FNDC3B: variants seen among roughly 807,000 people sequenced by gnomAD.
FNDC3B encodes fibronectin type III domain containing 3B.
In FNDC3B, 12 loss-of-function variants were observed where a neutral mutation model predicts 151.5. That is an observed-to-expected ratio of 0.08 (90% CI 0.05 to 0.13). The LOEUF is 0.13. FNDC3B is among the 10% of genes least tolerant of loss of function. The probability of loss-of-function intolerance (pLI) is 1.00; values close to 1 mark genes in which losing one functional copy is unlikely to be tolerated. For synonymous variants in FNDC3B, 528 were observed against 549.0 expected, an observed-to-expected ratio of 0.96 and a Z score of 0.54; for missense variants, 1,214 against 1,505.3, an observed-to-expected ratio of 0.81 and a Z score of 3.20.
chr3:172,328,189 C>T (rs1408358396), intron 11 of FNDC3B, among the ~76,000 whole-genome samples: 1 of 152,190 alleles, frequency 6.6e-6, no homozygotes, highest in African/African-American at 2.4e-5. Context: ...ATTCAAAATA[C>T]ATTTCTAGCC....
At chr3:172,075,948 C>A (rs934528949) in intron 1 of FNDC3B, among the ~76,000 whole-genome samples, 1 of 152,108 alleles carries the variant, frequency 6.6e-6, no homozygotes, top group Non-Finnish European at 1.5e-5. Flanking sequence ...TCCATAGCAA[C>A]CCAGAACACA....
chr3:172,344,431 A>C (rs1482499151), intron 19 of FNDC3B, among the ~76,000 whole-genome samples, 173 bp downstream of exon 19: 1 of 152,210 alleles, frequency 6.6e-6, no homozygotes, highest in African/African-American at 2.4e-5. Context: ...TTGTGATTTC[A>C]TATAGACCCA....
At chr3:172,235,731 G>T (rs1269617897) in intron 4 of FNDC3B, among the ~76,000 whole-genome samples, 1 of 152,228 alleles carries the variant, frequency 6.6e-6, no homozygotes, top group African/African-American at 2.4e-5. Flanking sequence ...GATTGTCTGG[G>T]CTGTCTCACA....
At chr3:172,161,988 T>TG (rs1722800071) in intron 3 of FNDC3B, among the ~76,000 whole-genome samples, 2 of 144,078 alleles carry the variant, frequency 1.4e-5, no homozygotes, top group South Asian at 2.2e-4. Flanking sequence ...TTTTTTTTTT[T>TG]TGGGGGGGGA....
chr3:172,311,719 A>G (rs1731507737), intron 11 of FNDC3B, among the ~76,000 whole-genome samples: 1 of 151,610 alleles, frequency 6.6e-6, no homozygotes, highest in Admixed American at 6.6e-5. Context: ...ACAAAAAAAA[A>G]AAAAAAAAAT....
intron 6 of FNDC3B, among the ~76,000 whole-genome samples, chr3:172,271,274 T>C (rs565108015): frequency 1.5e-4 from 23 of 152,350 alleles, no homozygotes; most frequent in African/African-American, 5.5e-4. Context: ...CAGATACTCT[T>C]GACTGCATAG....
At chr3:172,188,714 AGTT>A (rs1405504927) in intron 3 of FNDC3B, among the ~76,000 whole-genome samples, 1 of 152,088 alleles carries the variant, frequency 6.6e-6, no homozygotes, top group African/African-American at 2.4e-5. Flanking sequence ...CCGAAACTGA[AGTT>A]GTTTAATTGA....
Position 172,082,615 on chromosome 3 carries a change from C to T in FNDC3B, c.-28-29837C>T, listed in dbSNP as rs1375852003. 2.6e-5 allele frequency among the ~76,000 whole-genome samples: 4 copies of T among 152,202 alleles called. No individual in the cohort carries two copies. In the East Asian group the frequency reaches 5.8e-4, roughly 22 times the overall value. ...GAACGAAGCAGCAAAGAATGTTCCA[C>T]CCATGTATAGGCTGAACGTGGAATC... On this transcript the variant is annotated intron_variant, in intron 1 of 25. Coordinates refer to ENST00000415807, the MANE Select transcript of FNDC3B (RefSeq NM_022763.4).
intron 3 of FNDC3B, among the ~76,000 whole-genome samples, chr3:172,216,129 C>T (rs976015177): frequency 4.6e-5 from 7 of 152,164 alleles, no homozygotes; most frequent in African/African-American, 1.7e-4. Flanking sequence ...TGAAATGAAG[C>T]ACTCGATGCT....
intron 1 of FNDC3B, among the ~76,000 whole-genome samples, chr3:172,089,505 G>A (rs561221923): frequency 1.4e-4 from 22 of 152,182 alleles, no homozygotes; most frequent in Non-Finnish European, 3.1e-4. Context: ...GGTAGGGGAC[G>A]GCACAACACA....
chr3:172,168,011 A>C (rs368574870), intron 3 of FNDC3B, among the ~76,000 whole-genome samples: 2 of 152,228 alleles, frequency 1.3e-5, no homozygotes, highest in Admixed American at 1.3e-4. Context: ...GACATATTCC[A>C]GTGGTGTTTA....
At chr3:172,094,641 G>A (rs921451916) in intron 1 of FNDC3B, among the ~76,000 whole-genome samples, 7 of 152,038 alleles carry the variant, frequency 4.6e-5, no homozygotes, top group Non-Finnish European at 1.0e-4. Context: ...AGGAATCTGC[G>A]TTTTTAAACA....
At chr3:172,365,069 G>A (rs1469940514) in intron 23 of FNDC3B, among the ~76,000 whole-genome samples, 1 of 152,240 alleles carries the variant, frequency 6.6e-6, no homozygotes, top group Non-Finnish European at 1.5e-5. Context: ...CTCTTGTAGT[G>A]AGTGGCCTTT....
chr3:172,106,679 A>G (rs1190530410), intron 1 of FNDC3B, among the ~76,000 whole-genome samples: 1 of 152,182 alleles, frequency 6.6e-6, no homozygotes, highest in African/African-American at 2.4e-5. Flanking sequence ...CTTTGGCTTT[A>G]AGTTAGACAT....
Position 172,146,921 on chromosome 3 carries a change from A to G in FNDC3B, c.187+13375A>G, listed in dbSNP as rs1451812840. On this transcript the variant is annotated intron_variant, in intron 3 of 25. Transcript: ENST00000415807. ...TAGATGTAAACACAATAGTTCACGT[A>G]TGTTTAACGAAATTCAAAGTTCACC... Among the ~76,000 whole-genome samples the G allele has an allele frequency of 3.3e-5, 5 of 152,248 alleles. No homozygotes were observed. In the East Asian group the frequency reaches 9.6e-4, roughly 29 times the overall value.
chr3:172,158,326 C>T (rs1044249495), intron 3 of FNDC3B, among the ~76,000 whole-genome samples: 6 of 152,168 alleles, frequency 3.9e-5, no homozygotes, highest in African/African-American at 9.7e-5. Flanking sequence ...CAAGTGATCC[C>T]GATTCTCTTC....
chr3:172,345,823 G>A (rs1487085204), intron 19 of FNDC3B: 1 of 152,304 alleles, frequency 6.6e-6, no homozygotes, highest in African/African-American at 2.4e-5. Flanking sequence ...TTGAATAGGT[G>A]AGGTGATGGG....
rs56801395 is a variant in FNDC3B at position 172,336,896 on chromosome 3, C to T, written c.1781-434C>T. 2.0e-3 allele frequency among the ~76,000 whole-genome samples: 302 copies of T among 148,450 alleles called. 2 individuals carry two copies. The highest frequency in any genetic ancestry group is 7.4e-3 in the African/African-American group (294 of 39,910). ...CCAGCCTAGGCAACAGAGCGAAACT[C>T]CATCTCAGACGGAAAAAAAAAAAAA... On this transcript the variant is annotated intron_variant, in intron 15 of 25. Coordinates refer to ENST00000415807, the MANE Select transcript of FNDC3B (RefSeq NM_022763.4).
At chr3:172,154,940 C>CT (rs1722412056) in intron 3 of FNDC3B, among the ~76,000 whole-genome samples, 1 of 151,752 alleles carries the variant, frequency 6.6e-6, no homozygotes, top group South Asian at 2.1e-4. Flanking sequence ...GTGATGTACT[C>CT]TATGTGTTTG....
Sources: allele counts gnomAD v4.1 joint callset (sites outside exome capture counted in the v4.1 genomes callset), GRCh38; gene constraint gnomAD v4.1.1; transcripts MANE v1.5; gene names NCBI Gene and HGNC (gene_info 2026-07-23, HGNC 2026-07-21).